Variants in TPO observed in about 807,000 individuals in gnomAD.
TPO encodes the protein thyroid microsomal antigen.
A neutral mutation model predicts 96.9 loss-of-function variants in TPO; 78 were observed. The observed-to-expected ratio is 0.81, with a 90% CI of 0.67 to 0.97. The LOEUF (loss-of-function observed/expected upper bound fraction) is 0.97. Among genes scored for constraint, TPO ranks in the 50% least tolerant of loss-of-function variants. The probability of loss-of-function intolerance (pLI) is 0.00; values close to 1 mark genes in which losing one functional copy is unlikely to be tolerated. For missense variants in TPO, 1,252 were observed against 1,274.8 expected (o/e 0.98, Z 0.27); for synonymous variants, 547 against 538.0 (o/e 1.02, Z -0.23).
chr2:1,407,910 G>A (rs897017319), intron 1 of TPO, among the ~76,000 whole-genome samples: 2 of 152,152 alleles, frequency 1.3e-5, no homozygotes, highest in Admixed American at 6.5e-5. Flanking sequence ...ATTCAGATCT[G>A]GGATTCCATC....
At chr2:1,482,771 C>G (rs1259610749) in intron 8 of TPO, among the ~76,000 whole-genome samples, 1 of 152,174 alleles carries the variant, frequency 6.6e-6, no homozygotes, top group African/African-American at 2.4e-5. Context: ...ACCTCCTGGG[C>G]TCAAGCAATC....
At chr2:1,438,998 G>T (rs1573187928) in intron 5 of TPO, 1 of 586,126 alleles carries the variant, frequency 1.7e-6, no homozygotes, top group South Asian at 2.3e-5. Context: ...ACCTTTCTTT[G>T]GTTTGATGCT....
chr2:1,533,455 T>C (rs1573624116), intron 15 of TPO, among the ~76,000 whole-genome samples: 1 of 54,530 alleles, frequency 1.8e-5, no homozygotes, highest in African/African-American at 8.0e-5. Flanking sequence ...GCCCCCACTG[T>C]GTGCAACCTC....
chr2:1,537,856 A>ACC (rs200177819), intron 15 of TPO, among the ~76,000 whole-genome samples: 24 of 27,332 alleles, frequency 8.8e-4, no homozygotes, highest in South Asian at 4.8e-3. Flanking sequence ...ACTGTGTGCA[A>ACC]TCTCAAATCC....
At chr2:1,486,246 G>C (rs1671151330) in intron 9 of TPO, among the ~76,000 whole-genome samples, 1 of 152,176 alleles carries the variant, frequency 6.6e-6, no homozygotes, top group South Asian at 2.1e-4. Flanking sequence ...CTGGGCTCAG[G>C]CACGGTGGCT....
chr2:1,433,654 A>G (rs766272735), intron 4 of TPO, 47 bp downstream of exon 4: 14 of 1,592,500 alleles, frequency 8.8e-6, no homozygotes, highest in Non-Finnish European at 8.6e-7. Context: ...CTCCCGAAGG[A>G]GGACACCTTG....
chr2:1,484,492 A>C (rs752003611), intron 8 of TPO, 104 bp from the exon 9 acceptor site: 1 of 1,477,596 alleles, frequency 6.8e-7, no homozygotes, highest in Non-Finnish European at 9.4e-7. Flanking sequence ...AGAAGGGTCC[A>C]GTTCCCTGGG....
At chr2:1,385,746 C>T (rs1661883825) in intron 1 of TPO, among the ~76,000 whole-genome samples, 1 of 151,654 alleles carries the variant, frequency 6.6e-6, no homozygotes, top group Non-Finnish European at 1.5e-5. Flanking sequence ...TATTTCTTGG[C>T]TTCTGCTAGC....
At chr2:1,530,635 T>C (rs556789373) in intron 15 of TPO, among the ~76,000 whole-genome samples, 1 of 40,552 alleles carries the variant, frequency 2.5e-5, no homozygotes, top group Non-Finnish European at 4.3e-5. Flanking sequence ...ACTCCCCGAC[T>C]CTCTGCAACC....
Position 1,433,437 on chromosome 2 carries a change from G to C in TPO, c.180-1G>C. The C allele has an allele frequency of 1.2e-6, 2 of 1,614,166 alleles. No individual in the cohort carries two copies. Among genetic ancestry groups the C allele is most frequent in the Non-Finnish European group, 1.7e-6 (2 of 1,180,030 alleles). On this transcript the variant is annotated splice_acceptor_variant, in intron 3 of 16. Coordinates refer to ENST00000329066, the MANE Select transcript of TPO (RefSeq NM_001206744.2). LOFTEE classifies it high-confidence loss of function. ...TTTTATATCTTCTTTATGTGCCATAGAAACCTCAAGAAAAGAGGAATCCTT... is the reference window on the plus strand; with the variant it reads ...TTTTATATCTTCTTTATGTGCCATACAAACCTCAAGAAAAGAGGAATCCTT...
chr2:1,540,557 G>T, intron 15 of TPO, 37 bp from the exon 16 acceptor site: 1 of 1,610,334 alleles, frequency 6.2e-7, no homozygotes, highest in Non-Finnish European at 8.5e-7. Flanking sequence ...CACGGTGCCG[G>T]ACCCTCTCCC....
At chr2:1,418,646 A>G (rs1275419159) in intron 2 of TPO, among the ~76,000 whole-genome samples, 1 of 152,234 alleles carries the variant, frequency 6.6e-6, no homozygotes, top group East Asian at 1.9e-4. Flanking sequence ...ATCACCACAC[A>G]GGCTGAGAGG....
intron 15 of TPO, among the ~76,000 whole-genome samples, chr2:1,535,279 G>C (rs1679345340): frequency 1.8e-5 from 2 of 112,710 alleles, no homozygotes; most frequent in Admixed American, 9.7e-5. Flanking sequence ...CCCCCATACT[G>C]TATGCAACCT....
chr2:1,526,301 TC>T (rs1676483615), intron 15 of TPO, among the ~76,000 whole-genome samples: 1 of 50,838 alleles, frequency 2.0e-5, no homozygotes, highest in Non-Finnish European at 3.5e-5. Context: ...ACACCCCACA[TC>T]TCCCCCACTG....
rs1558432632 is a variant in TPO at position 1,534,387 on chromosome 2, AACT to A, written c.2619-6206_2619-6204del. Among the ~76,000 whole-genome samples the A allele has an allele frequency of 6.0e-5, 7 of 117,044 alleles. 2 individuals are homozygous for A. The highest frequency in any genetic ancestry group is 6.9e-5 in the African/African-American group (2 of 28,852). 76.8% of individuals were successfully genotyped at this position (117,044 alleles called of 152,430 possible). Reference sequence around the variant, plus strand: ...GTGTTCAACCTCCCCAAATCCCTCCAACTGTGTGCAACCTCCCCAAATCCGCCC... The same window carrying A: ...GTGTTCAACCTCCCCAAATCCCTCCAGTGTGCAACCTCCCCAAATCCGCCC... On this transcript the variant is annotated intron_variant, in intron 15 of 16. Transcript: ENST00000329066.
chr2:1,484,753 C>G lies in TPO; in HGVS notation c.1496C>G (p.Pro499Arg). Reference protein sequence around the residue: ...AFRFGHATIHPLVRRLDASFQ... With the variant: ...AFRFGHATIHRLVRRLDASFQ... ...CGCTTCGGCCATGCCACGATCCACC[C>G]GCTGGTGAGGAGGCTGGACGCCAGC... The change falls in exon 9 of 17, where the codon CCG (proline) becomes CGG (arginine). Residue 499 changes from proline to arginine, a missense_variant. Physicochemically the swap from Pro to Arg is moderately radical, Grantham distance 103 (BLOSUM62 -2). Transcript: ENST00000329066. 2 of 1,614,108 alleles carry G rather than the reference C, an allele frequency of 1.2e-6. No individual in the cohort carries two copies.
intron 6 of TPO, among the ~76,000 whole-genome samples, chr2:1,455,420 C>G (rs1667698432): frequency 6.6e-6 from 1 of 152,126 alleles, no homozygotes; most frequent in South Asian, 2.1e-4. Context: ...GCCCAAAATC[C>G]AATCCAAATC....
rs567956612 is a variant in TPO, at chr2:1,491,975, G to A, written c.1769-1827G>A. Among the ~76,000 whole-genome samples the A allele has an allele frequency of 3.7e-4, 57 of 152,256 alleles. 1 individual carries two copies. The highest frequency in any genetic ancestry group is 3.5e-3 in the South Asian group (17 of 4,822). ...GCAGCGCAGCTTCTCACGGGGGCTC[G>A]GGGGAACCCTTGCCAGATGTGGAAG... On this transcript the variant is annotated intron_variant, in intron 10 of 16. Transcript: ENST00000329066.
chr2:1,518,815 G>A (rs1031460920), intron 15 of TPO, among the ~76,000 whole-genome samples: 2 of 152,228 alleles, frequency 1.3e-5, no homozygotes, highest in Admixed American at 6.5e-5. Context: ...TCAGGTGCTT[G>A]CCATGGCTTG....
Sources: allele counts gnomAD v4.1 joint callset (sites outside exome capture counted in the v4.1 genomes callset), GRCh38; gene constraint gnomAD v4.1.1; transcripts MANE v1.5; gene names NCBI Gene and HGNC (gene_info 2026-07-23, HGNC 2026-07-21).